KCNJ8: variants seen among roughly 807,000 people sequenced by gnomAD.
KCNJ8 encodes the protein ATP-sensitive inward rectifier potassium channel 8.
KCNJ8 carries 13 observed loss-of-function variants against 28.2 expected under a neutral mutation model. That is an observed-to-expected ratio of 0.46 (90% CI 0.30 to 0.73). The LOEUF (loss-of-function observed/expected upper bound fraction) is 0.73. KCNJ8 is among the 30% of genes least tolerant of loss of function. The pLI is 0.07. For missense variants in KCNJ8, 284 were observed against 542.6 expected, an observed-to-expected ratio of 0.52 and a Z score of 4.73; for synonymous variants, 188 against 195.9, an observed-to-expected ratio of 0.96 and a Z score of 0.34.
Position 21,764,965 on chromosome 12 carries a change from A to G in KCNJ8, c.*758T>C, listed in dbSNP as rs1472678089. ...CAAAACTACAGTGAGTACAAAGAAA[A>G]TGTTTTAATAAAATATTCAATACAG... On this transcript the variant is annotated 3_prime_UTR_variant, in exon 3 of 3. Coordinates refer to ENST00000240662, the MANE Select transcript of KCNJ8 (RefSeq NM_004982.4). 6.6e-6 allele frequency: 1 copy of G among 152,280 alleles called. No homozygotes were observed. The highest frequency in any genetic ancestry group is 1.9e-4 in the East Asian group (1 of 5,196). The allele number at this position is 152,280 out of a possible 1,614,324, so 9.4% of individuals were successfully genotyped here.
chr12:21,773,810 T>G lies in KCNJ8; in HGVS notation c.-70-124A>C, dbSNP rs1940820184. The G allele has an allele frequency of 1.5e-6, 1 of 661,662 alleles. No individual in the cohort carries two copies. Among genetic ancestry groups the G allele is most frequent in the African/African-American group, 1.8e-5 (1 of 54,996 alleles). 41.0% of individuals were successfully genotyped at this position (661,662 alleles called of 1,614,324 possible). On this transcript the variant is annotated intron_variant, in intron 1 of 2. Coordinates refer to ENST00000240662, the MANE Select transcript of KCNJ8 (RefSeq NM_004982.4). This position sits in a 1 kb window ranked among gnomAD's most constrained non-coding sequence, Gnocchi z 4.6. The stretch of plus-strand genomic sequence containing the variant: ...ACATGCAAAACCAAAAATGTGATTT[T>G]TACTAACCCAAACATGAATCTAGCT...
At position 21,766,238 on chromosome 12, in the gene KCNJ8, T is replaced by C. The variant is rs1235054283; in HGVS notation, c.760A>G (p.Ile254Val). ...ACCAGAAAAATGTTATTGCTCTCGA[T>C]TGGGTTATCAACAGGAATGTCCAGT... ...HQLDIPVDNP[I>V]ESNNIFLVAP... The change falls in exon 3 of 3, where the codon ATC becomes GTC. Residue 254 changes from isoleucine (I) to valine (V), a missense_variant. Transcript: ENST00000240662. The surrounding 1 kb of genome is among the most constrained non-coding windows in gnomAD (Gnocchi z 6.5). The C allele has an allele frequency of 1.1e-5, 17 of 1,614,060 alleles. No individual in the cohort carries two copies. The highest frequency in any genetic ancestry group is 1.2e-5 in the Non-Finnish European group (14 of 1,180,008).
Position 21,773,165 on chromosome 12 carries a change from A to C in KCNJ8, c.374+78T>G. Reference sequence around the variant, plus strand: ...TTTATTTCACTTTCAATTAAATAACAGAATGATAAGAGAAAGGGCATTTTG... The same window carrying C: ...TTTATTTCACTTTCAATTAAATAACCGAATGATAAGAGAAAGGGCATTTTG... On this transcript the variant is annotated intron_variant, in intron 2 of 2. Transcript: ENST00000240662. The surrounding 1 kb of genome is among the most constrained non-coding windows in gnomAD (Gnocchi z 4.6). 2.8e-6 allele frequency: 4 copies of C among 1,444,466 alleles called. No individual in the cohort carries two copies. Among genetic ancestry groups the C allele is most frequent in the Non-Finnish European group, 3.8e-6 (4 of 1,040,042 alleles). 89.5% of individuals were successfully genotyped at this position (1,444,466 alleles called of 1,614,324 possible).
chr12:21,766,262 GT>G lies in KCNJ8; in HGVS notation c.735del (p.Gln245HisfsTer21). The G allele has an allele frequency of 6.2e-7, 1 of 1,614,152 alleles. No homozygotes were observed. The highest frequency in any genetic ancestry group is 1.3e-5 in the African/African-American group (1 of 75,026). On this transcript the variant is annotated frameshift_variant, in exon 3 of 3. Coordinates refer to ENST00000240662, the MANE Select transcript of KCNJ8 (RefSeq NM_004982.4). LOFTEE classifies it high-confidence loss of function. The surrounding 1 kb of genome is among the most constrained non-coding windows in gnomAD (Gnocchi z 6.5). Reference protein sequence around the residue: ...TPEGEVVPIHQLDIPVDNPIE... With the variant: ...TPEGEVVPIHXLDIPVDNPIE... ...ATTGGGTTATCAACAGGAATGTCCAGTTGGTGAATAGGAACCACCTCCCCTT... is the reference window on the plus strand; with the variant it reads ...ATTGGGTTATCAACAGGAATGTCCAGTGGTGAATAGGAACCACCTCCCCTT...
In KCNJ8 at chr12:21,766,298, T is replaced by C. The variant is rs1337510541; in HGVS notation, c.700A>G (p.Thr234Ala). ...GGAACCACCTCCCCTTCAGGTGTAGTTGTTTTCTTGACCACCTGGATGCGC... is the reference window on the plus strand; with the variant it reads ...GGAACCACCTCCCCTTCAGGTGTAGCTGTTTTCTTGACCACCTGGATGCGC... Reference protein sequence around the residue: ...SVRIQVVKKTTTPEGEVVPIH... With the variant: ...SVRIQVVKKTATPEGEVVPIH... Residue 234 changes from threonine (T) to alanine (A), a missense_variant, in exon 3 of 3, where the codon ACT becomes GCT. By Grantham distance (58) the Thr-to-Ala change is moderately conservative. Transcript: ENST00000240662. This position sits in a 1 kb window ranked among gnomAD's most constrained non-coding sequence, Gnocchi z 6.5. 1 of 1,614,136 alleles carries C rather than the reference T, an allele frequency of 6.2e-7. No individual in the cohort carries two copies. Among genetic ancestry groups the C allele is most frequent in the South Asian group, 1.1e-5 (1 of 91,074 alleles).
chr12:21,772,870 G>T (rs1484488460), intron 2 of KCNJ8, among the ~76,000 whole-genome samples: 1 of 152,176 alleles, frequency 6.6e-6, no homozygotes, highest in East Asian at 1.9e-4. Context: ...GTTGATCAGA[G>T]ATATTTACCT....
At position 21,765,632 on chromosome 12, in the gene KCNJ8, CATT is replaced by C. The variant is rs779009692; in HGVS notation, c.*88_*90del. 51 of 1,053,928 alleles carry C rather than the reference CATT, an allele frequency of 4.8e-5. No homozygotes were observed. Among genetic ancestry groups the C allele is most frequent in the Admixed American group, 2.9e-4 (17 of 59,240 alleles). 65.3% of individuals were successfully genotyped at this position (1,053,928 alleles called of 1,614,324 possible). A position where few individuals can be genotyped will look rare whatever the true frequency, so the allele number is the denominator to read the frequency against. On this transcript the variant is annotated 3_prime_UTR_variant, in exon 3 of 3. Coordinates refer to ENST00000240662, the MANE Select transcript of KCNJ8 (RefSeq NM_004982.4). ...TAGTGTAATAAAATGTAGAAGGACA[CATT>C]ATTGTGTTCCAGCTCTGGTTCAGTC...
Position 21,766,368 on chromosome 12 carries a change from G to A in KCNJ8, c.630C>T (p.Phe210=). 6.2e-7 allele frequency: 1 copy of A among 1,614,184 alleles called. No individual in the cohort carries two copies. Among genetic ancestry groups the A allele is most frequent in the East Asian group, 2.2e-5 (1 of 44,886 alleles). Residue 210 remains phenylalanine, a synonymous_variant, in exon 3 of 3, where the codon TTC becomes TTT. Transcript: ENST00000240662. This position sits in a 1 kb window ranked among gnomAD's most constrained non-coding sequence, Gnocchi z 6.5. ...TGCTTTTCCTCAGGTCACCCACTCG[G>A]AACATGAAGCACAGCTTGCCATTTC... ...AVRNGKLCFM[F]RVGDLRKSMI...
rs2137051749 is a variant in KCNJ8, at chr12:21,773,136, AC to A, written c.374+106del. 9.9e-6 allele frequency: 13 copies of A among 1,311,326 alleles called. No homozygotes were observed. In the South Asian group the frequency reaches 1.2e-4, roughly 12 times the overall value. 81.2% of individuals were successfully genotyped at this position (1,311,326 alleles called of 1,614,324 possible). ...TTTGTTTCTGAAGATTCTAAAACAA[AC>A]CCTTTATTTCACTTTCAATTAAATA... On this transcript the variant is annotated intron_variant, in intron 2 of 2. Coordinates refer to ENST00000240662, the MANE Select transcript of KCNJ8 (RefSeq NM_004982.4). This position sits in a 1 kb window ranked among gnomAD's most constrained non-coding sequence, Gnocchi z 4.6.
chr12:21,774,299 CT>C (rs1179555335), intron 1 of KCNJ8, among the ~76,000 whole-genome samples: 15 of 149,732 alleles, frequency 1.0e-4, no homozygotes, highest in African/African-American at 3.7e-4. Flanking sequence ...AAAAAGGTTC[CT>C]GTGGAAATCA....
At chr12:21,770,696 A>G (rs1940736826) in intron 2 of KCNJ8, among the ~76,000 whole-genome samples, 1 of 152,194 alleles carries the variant, frequency 6.6e-6, no homozygotes, top group Non-Finnish European at 1.5e-5. Context: ...CCCATATGGG[A>G]AGCACCACAT....
intron 2 of KCNJ8, among the ~76,000 whole-genome samples, chr12:21,767,845 A>G (rs921119861): frequency 1.3e-5 from 2 of 152,028 alleles, no homozygotes; most frequent in Non-Finnish European, 2.9e-5. Flanking sequence ...TATTATCACA[A>G]TTTTTTCAAA....
rs1365730407 is a variant in KCNJ8, at chr12:21,773,019, A to G, written c.374+224T>C. ...TATAACATTTTCAAGGCTAGTCCAA[A>G]GGACTGAAGCTCAGGTTTTCAGAGA... is the stretch of plus-strand genomic sequence containing the variant. On this transcript the variant is annotated intron_variant, in intron 2 of 2. Coordinates refer to ENST00000240662, the MANE Select transcript of KCNJ8 (RefSeq NM_004982.4). The surrounding 1 kb of genome is among the most constrained non-coding windows in gnomAD (Gnocchi z 4.6). Among the ~76,000 whole-genome samples the G allele has an allele frequency of 6.6e-6, 1 of 152,232 alleles. No individual in the cohort carries two copies. Among genetic ancestry groups the G allele is most frequent in the Non-Finnish European group, 1.5e-5 (1 of 68,032 alleles).
chr12:21,768,132 C>G (rs982363442), intron 2 of KCNJ8, among the ~76,000 whole-genome samples: 31 of 152,168 alleles, frequency 2.0e-4, no homozygotes, highest in African/African-American at 7.2e-4. Flanking sequence ...AGCCCGCAGC[C>G]TAGATCCCTC....
At chr12:21,771,012 G>A (rs554236340) in intron 2 of KCNJ8, among the ~76,000 whole-genome samples, 3 of 152,200 alleles carry the variant, frequency 2.0e-5, no homozygotes, top group African/African-American at 4.8e-5. Flanking sequence ...AGTGAAGTGC[G>A]AAAGTTGCCT....
chr12:21,773,354 G>C lies in KCNJ8; in HGVS notation c.263C>G (p.Ala88Gly), dbSNP rs117808169. 2.5e-4 allele frequency: 402 copies of C among 1,614,240 alleles called. 1 individual carries two copies. The highest frequency in any genetic ancestry group is 1.3e-3 in the Middle Eastern group (8 of 6,062). Residue 88 changes from alanine to glycine, a missense_variant, in exon 2 of 3, where the codon GCT (alanine) becomes GGT (glycine). Transcript: ENST00000240662. This position sits in a 1 kb window ranked among gnomAD's most constrained non-coding sequence, Gnocchi z 4.6. ...MSFLCSWLLF[A>G]IMWWLVAFAH... ...AAAGGCCACCAGCCACCACATGATA[G>C]CGAAGAGCAGCCAGCTGCAGAGGAA... is the stretch of plus-strand genomic sequence containing the variant.
Position 21,773,508 on chromosome 12 carries a change from T to G in KCNJ8, c.109A>C (p.Ile37Leu). Reference sequence around the variant, plus strand: ...AGGTTGCAGGCCCCGCTCTTGGCGATGAAGCGGGCTTTGGGGAGGCGGTCT... The same window carrying G: ...AGGTTGCAGGCCCCGCTCTTGGCGAGGAAGCGGGCTTTGGGGAGGCGGTCT... ...IRDRLPKARFIAKSGACNLAH... is the reference protein window; with the variant it reads ...IRDRLPKARFLAKSGACNLAH... Residue 37 changes from isoleucine (I) to leucine (L), a missense_variant, in exon 2 of 3, where the codon ATC (isoleucine) becomes CTC (leucine). Coordinates refer to ENST00000240662, the MANE Select transcript of KCNJ8 (RefSeq NM_004982.4). The surrounding 1 kb of genome is among the most constrained non-coding windows in gnomAD (Gnocchi z 4.6). 1.2e-6 allele frequency: 2 copies of G among 1,614,258 alleles called. No homozygotes were observed. Among genetic ancestry groups the G allele is most frequent in the South Asian group, 1.1e-5 (1 of 91,086 alleles).
intron 2 of KCNJ8, among the ~76,000 whole-genome samples, chr12:21,767,320 C>CTT (rs1387535582): frequency 1.7e-5 from 2 of 114,976 alleles, no homozygotes; most frequent in African/African-American, 8.5e-5. Flanking sequence ...CCCCCCCCCC[C>CTT]CCACCTCCAG....
chr12:21,773,314 G>A lies in KCNJ8; in HGVS notation c.303C>T (p.Ile101=), dbSNP rs758633200. 3.8e-5 allele frequency: 61 copies of A among 1,614,002 alleles called. No individual in the cohort carries two copies. The highest frequency in any genetic ancestry group is 1.1e-5 in the South Asian group (1 of 91,076). ...WWLVAFAHGD[I]YAYMEKSGME... ...TTCCACTTTTCTCCATGTAAGCATAGATGTCCCCATGGGCAAAGGCCACCA... is the reference window on the plus strand; with the variant it reads ...TTCCACTTTTCTCCATGTAAGCATAAATGTCCCCATGGGCAAAGGCCACCA... Residue 101 remains isoleucine (I), a synonymous_variant, in exon 2 of 3, where the codon ATC becomes ATT. Transcript: ENST00000240662. The surrounding 1 kb of genome is among the most constrained non-coding windows in gnomAD (Gnocchi z 4.6).
Sources: allele counts gnomAD v4.1 joint callset (sites outside exome capture counted in the v4.1 genomes callset), GRCh38; gene constraint gnomAD v4.1.1; non-coding constraint Gnocchi (gnomAD v3.1); transcripts MANE v1.5; gene names NCBI Gene and HGNC (gene_info 2026-07-23, HGNC 2026-07-21).